Variants in PRKCQ observed in about 807,000 individuals in gnomAD.
PRKCQ encodes the protein protein kinase C theta, also known as protein kinase C theta type.
Under a neutral mutation model 91.2 loss-of-function variants are expected in PRKCQ, and 41 were observed. The observed-to-expected ratio is 0.45, with a 90% CI of 0.35 to 0.58. PRKCQ has a LOEUF of 0.58. PRKCQ is among the 20% of genes least tolerant of loss of function. The probability of loss-of-function intolerance (pLI) is 0.00; values close to 1 mark genes in which losing one functional copy is unlikely to be tolerated. For missense variants in PRKCQ, 673 were observed against 896.5 expected, an observed-to-expected ratio of 0.75 and a Z score of 3.18; for synonymous variants, 307 against 316.9, an observed-to-expected ratio of 0.97 and a Z score of 0.33.
intron 1 of PRKCQ, among the ~76,000 whole-genome samples, chr10:6,573,758 C>T (rs184115075): frequency 2.0e-5 from 3 of 152,124 alleles, no homozygotes; most frequent in East Asian, 3.9e-4. Flanking sequence ...TTAGGTGTTA[C>T]AAGGTTAAAA....
At chr10:6,554,609 G>T (rs958136190) in intron 1 of PRKCQ, among the ~76,000 whole-genome samples, 1 of 152,134 alleles carries the variant, frequency 6.6e-6, no homozygotes, top group Non-Finnish European at 1.5e-5. Context: ...TCTTGTGGGG[G>T]CTTTACAGAA....
chr10:6,550,331 C>T (rs1043051207), intron 1 of PRKCQ, among the ~76,000 whole-genome samples: 13 of 152,048 alleles, frequency 8.5e-5, no homozygotes, highest in Non-Finnish European at 1.9e-4. Context: ...TGGAGTGCAG[C>T]GGTATGACCT....
chr10:6,467,511 G>A (rs752232403), intron 12 of PRKCQ, among the ~76,000 whole-genome samples: 17 of 151,898 alleles, frequency 1.1e-4, no homozygotes, highest in Non-Finnish European at 2.2e-4. Context: ...TAGACCTCAC[G>A]TCTTTATGGC....
At chr10:6,448,261 G>A (rs1201148273) in intron 15 of PRKCQ, among the ~76,000 whole-genome samples, 1 of 152,174 alleles carries the variant, frequency 6.6e-6, no homozygotes, top group Non-Finnish European at 1.5e-5. Context: ...GGATGTAGAG[G>A]TGCTGTGGTT....
At chr10:6,401,844 C>T in the PRKCQ span, among the ~76,000 whole-genome samples, 3 of 152,178 alleles carry the variant, frequency 2.0e-5, no homozygotes, top group African/African-American at 4.8e-5. Flanking sequence ...GCAGAATACA[C>T]ATCTTGAATT....
chr10:6,471,331 G>A (rs1463939157), intron 12 of PRKCQ, among the ~76,000 whole-genome samples: 1 of 152,222 alleles, frequency 6.6e-6, no homozygotes, highest in Non-Finnish European at 1.5e-5. Flanking sequence ...CAGTACAGGA[G>A]CAAAATCATC....
Position 6,534,793 on chromosome 10 carries a change from G to GAT in PRKCQ, c.-9-19651_-9-19650dup, listed in dbSNP as rs755054607. The stretch of plus-strand genomic sequence containing the variant: ...ATATATCTATATATATATATATATA[G>GAT]ATATATATATATATATATAAACTCA... On this transcript the variant is annotated intron_variant, in intron 1 of 17. Coordinates refer to ENST00000263125, the MANE Select transcript of PRKCQ (RefSeq NM_006257.5). 2.9e-3 allele frequency among the ~76,000 whole-genome samples: 264 copies of GAT among 91,542 alleles called. 1 individual carries two copies. Among genetic ancestry groups the GAT allele is most frequent in the Middle Eastern group, 7.0e-3 (1 of 142 alleles). The allele number at this position is 91,542 out of a possible 152,430, so 60.1% of individuals were successfully genotyped here.
At chr10:6,554,719 T>C (rs1840340112) in intron 1 of PRKCQ, among the ~76,000 whole-genome samples, 1 of 152,218 alleles carries the variant, frequency 6.6e-6, no homozygotes, top group African/African-American at 2.4e-5. Flanking sequence ...AGATAATTCA[T>C]TTCCATTAAA....
intron 15 of PRKCQ, among the ~76,000 whole-genome samples, chr10:6,449,601 C>T (rs1193589037): frequency 5.9e-5 from 9 of 151,902 alleles, no homozygotes; most frequent in East Asian, 1.9e-4. Flanking sequence ...AGATACTCCT[C>T]GAGAAGAGCG....
chr10:6,519,627 C>T (rs1053837761), intron 1 of PRKCQ, among the ~76,000 whole-genome samples: 1 of 152,164 alleles, frequency 6.6e-6, no homozygotes, highest in Non-Finnish European at 1.5e-5. Context: ...AGACCCCAAG[C>T]CAGTTTCAGC....
the PRKCQ span, among the ~76,000 whole-genome samples, chr10:6,404,757 TTCC>T: frequency 1.4e-5 from 2 of 143,672 alleles, no homozygotes; most frequent in South Asian, 4.9e-4. Context: ...CTTCCCTTCC[TTCC>T]TTCCATCCTT....
At chr10:6,506,643 T>A (rs1397187588) in intron 4 of PRKCQ, among the ~76,000 whole-genome samples, 3 of 152,206 alleles carry the variant, frequency 2.0e-5, no homozygotes, top group Non-Finnish European at 4.4e-5. Flanking sequence ...TTTTCTCTGA[T>A]GTATTTGTTT....
At chr10:6,563,921 G>T (rs1840731605) in intron 1 of PRKCQ, among the ~76,000 whole-genome samples, 1 of 152,228 alleles carries the variant, frequency 6.6e-6, no homozygotes, top group Non-Finnish European at 1.5e-5. Flanking sequence ...ACGCAGAGGA[G>T]GGACACCTTG....
At chr10:6,510,950 C>T in intron 3 of PRKCQ, 45 bp downstream of exon 3, 1 of 1,608,498 alleles carries the variant, frequency 6.2e-7, no homozygotes, top group Non-Finnish European at 8.5e-7. Context: ...TCATCGGCTA[C>T]CATCATGCTT....
chr10:6,558,183 A>T (rs1025891493), intron 1 of PRKCQ, among the ~76,000 whole-genome samples: 2 of 152,192 alleles, frequency 1.3e-5, no homozygotes, highest in African/African-American at 4.8e-5. Context: ...CCTCTTTATT[A>T]CAGATCAACT....
intron 1 of PRKCQ, among the ~76,000 whole-genome samples, chr10:6,566,775 C>A (rs1022823308): frequency 6.6e-5 from 10 of 152,088 alleles, no homozygotes; most frequent in African/African-American, 1.2e-4. Context: ...GCAGACGACA[C>A]TGGCCAGGAA....
At chr10:6,488,178 G>A (rs988583584) in intron 8 of PRKCQ, among the ~76,000 whole-genome samples, 1 of 152,114 alleles carries the variant, frequency 6.6e-6, no homozygotes, top group Non-Finnish European at 1.5e-5. Context: ...ACATGTGTGT[G>A]CAAAGAAGCT....
Position 6,497,140 on chromosome 10 carries a change from C to T in PRKCQ, c.575-20G>A, listed in dbSNP as rs1482853738. 3 of 1,613,882 alleles carry T rather than the reference C, an allele frequency of 1.9e-6. No homozygotes were observed. Among genetic ancestry groups the T allele is most frequent in the Non-Finnish European group, 2.5e-6 (3 of 1,179,864 alleles). On this transcript the variant is annotated intron_variant, in intron 6 of 17. Coordinates refer to ENST00000263125, the MANE Select transcript of PRKCQ (RefSeq NM_006257.5). This position sits in a 1 kb window ranked among gnomAD's most constrained non-coding sequence, Gnocchi z 4.5. The stretch of plus-strand genomic sequence containing the variant: ...TGCATTCTGAAAAGAAGAAAAAAAT[C>T]ACAGCTTAAGATTTTCATAGCCTAA...
chr10:6,556,998 T>G (rs1840446358), intron 1 of PRKCQ, among the ~76,000 whole-genome samples: 1 of 152,176 alleles, frequency 6.6e-6, no homozygotes, highest in Non-Finnish European at 1.5e-5. Context: ...ATCCTAACCC[T>G]GTACACACTC....
Sources: gnomAD v4.1 joint callset for allele counts (sites outside exome capture counted in the v4.1 genomes callset) on GRCh38, gnomAD v4.1.1 for gene constraint, Gnocchi (gnomAD v3.1) non-coding constraint, MANE v1.5 for transcripts, NCBI Gene and HGNC (gene_info 2026-07-23, HGNC 2026-07-21) for gene names.